The following TBC1D23 variants were observed in gnomAD, a reference collection of about 807,000 sequenced individuals.
The protein encoded by TBC1D23 is TBC1 domain family member 23.
Under a neutral mutation model 91.4 loss-of-function variants are expected in TBC1D23, and 55 were observed. The observed-to-expected ratio is 0.60, with a 90% CI of 0.48 to 0.75. The LOEUF (loss-of-function observed/expected upper bound fraction) is 0.75. TBC1D23 is among the 30% of genes least tolerant of loss of function. The probability of loss-of-function intolerance (pLI) is 0.00; values close to 1 mark genes in which losing one functional copy is unlikely to be tolerated. For missense variants in TBC1D23, 725 were observed against 836.1 expected (o/e 0.87, Z 1.64); for synonymous variants, 289 against 281.0 (o/e 1.03, Z -0.28).
intron 13 of TBC1D23, 62 bp from the exon 14 acceptor site, chr3:100,310,341 A>C: frequency 6.9e-7 from 1 of 1,444,378 alleles, no homozygotes; most frequent in East Asian, 2.3e-5. Context: ...GTAGATAACC[A>C]TTAGCAGTAG....
intron 4 of TBC1D23, among the ~76,000 whole-genome samples, chr3:100,287,017 T>C (rs1335928884): frequency 6.6e-6 from 1 of 151,950 alleles, no homozygotes; most frequent in Non-Finnish European, 1.5e-5. Flanking sequence ...GTTTTACCAT[T>C]GGCCAAACTG....
chr3:100,271,425 A>G (rs934354009), intron 1 of TBC1D23, among the ~76,000 whole-genome samples: 1 of 152,140 alleles, frequency 6.6e-6, no homozygotes, highest in Non-Finnish European at 1.5e-5. Context: ...GTAGAGAAAG[A>G]AGTGGAAAAT....
chr3:100,322,840 C>G (rs1705884890), intron 18 of TBC1D23, among the ~76,000 whole-genome samples: 1 of 151,894 alleles, frequency 6.6e-6, no homozygotes, highest in African/African-American at 2.4e-5. Context: ...GATTCTCTCT[C>G]TCCCTTTCTT....
rs1188401495 is a variant in TBC1D23, at chr3:100,295,304, A to C, written c.728A>C (p.Glu243Ala). The change falls in exon 7 of 19, where the codon GAA (glutamate) becomes GCA (alanine). Residue 243 changes from glutamate to alanine, a missense_variant and splice_region_variant. By Grantham distance (107) the Glu-to-Ala change is moderately radical. Transcript: ENST00000394144. ...ATTGATTTGATTCCCTTTTACAGAG[A>C]AGTTATTTTAACACAAGAGTCAGAC... The part of the protein sequence containing the change: ...LMLIILVNAK[E>A]VILTQESDSK... 6.2e-7 allele frequency: 1 copy of C among 1,610,462 alleles called. No homozygotes were observed. The highest frequency in any genetic ancestry group is 1.7e-5 in the Admixed American group (1 of 59,370).
intron 15 of TBC1D23, among the ~76,000 whole-genome samples, chr3:100,312,225 A>G (rs1364015454): frequency 6.6e-6 from 1 of 152,182 alleles, no homozygotes; most frequent in Non-Finnish European, 1.5e-5. Flanking sequence ...TTTGGTGCTC[A>G]TTTGCTTCTA....
chr3:100,314,654 T>C (rs1299795583), intron 15 of TBC1D23, among the ~76,000 whole-genome samples: 1 of 152,092 alleles, frequency 6.6e-6, no homozygotes. Flanking sequence ...GGTCCCACAC[T>C]GTGGTCCCAG....
rs760246559 is a variant in TBC1D23, at chr3:100,310,404, G to A, written c.1415G>A (p.Gly472Asp). The change falls in exon 14 of 19, where the codon GGT (glycine) becomes GAT (aspartate). Residue 472 changes from glycine (G) to aspartate (D), a missense_variant and splice_region_variant. Gly to Asp is a moderately conservative substitution (Grantham distance 94, BLOSUM62 -1). Coordinates refer to ENST00000394144, the MANE Select transcript of TBC1D23 (RefSeq NM_001199198.3). ...TAATCCATTATGTTCTTTTTTTAGG[G>A]TGAATCTCCTAATGGCTCAAGTGAT... ...GSRSSINSVD[G>D]ESPNGSSDRG... 37 of 1,607,068 alleles carry A rather than the reference G, an allele frequency of 2.3e-5. 2 individuals carry two copies. In the South Asian group the frequency reaches 3.3e-4, roughly 15 times the overall value.
intron 1 of TBC1D23, among the ~76,000 whole-genome samples, chr3:100,275,410 G>A (rs1244207325): frequency 2.0e-5 from 3 of 152,016 alleles, no homozygotes; most frequent in African/African-American, 7.2e-5. Context: ...GCCTCAGCCT[G>A]TTGAGTAGCT....
intron 9 of TBC1D23, among the ~76,000 whole-genome samples, chr3:100,298,740 C>T (rs1300161098): frequency 6.6e-6 from 1 of 152,128 alleles, no homozygotes; most frequent in Non-Finnish European, 1.5e-5. Flanking sequence ...CAAATGAAAA[C>T]ATGTTATCCA....
intron 18 of TBC1D23, among the ~76,000 whole-genome samples, chr3:100,322,187 AG>A (rs1406435540): frequency 1.3e-5 from 2 of 152,110 alleles, no homozygotes; most frequent in African/African-American, 4.8e-5. Flanking sequence ...TCCGCCTCCC[AG>A]GTTCACACCA....
intron 4 of TBC1D23, among the ~76,000 whole-genome samples, chr3:100,287,274 A>G (rs2148857159): frequency 6.6e-6 from 1 of 152,166 alleles, no homozygotes; most frequent in East Asian, 1.9e-4. Flanking sequence ...CACTATCACC[A>G]GGCTAATTTT....
intron 1 of TBC1D23, 109 bp downstream of exon 1, chr3:100,261,180 C>A: frequency 8.9e-7 from 1 of 1,127,504 alleles, no homozygotes; most frequent in Non-Finnish European, 1.3e-6. Flanking sequence ...AGAGGCCGGT[C>A]CTAGGCGAAG....
chr3:100,315,603 ATATTGG>A (rs1452938483), intron 15 of TBC1D23, among the ~76,000 whole-genome samples: 1 of 152,220 alleles, frequency 6.6e-6, no homozygotes, highest in Non-Finnish European at 1.5e-5. Flanking sequence ...TTAACCAATC[ATATTGG>A]AATTTGAATA....
Position 100,323,679 on chromosome 3 carries a change from A to G in TBC1D23, c.*11A>G, listed in dbSNP as rs1173037466. On this transcript the variant is annotated 3_prime_UTR_variant, in exon 19 of 19. Coordinates refer to ENST00000394144, the MANE Select transcript of TBC1D23 (RefSeq NM_001199198.3). ...GCTTTGGAAAGTTAATATAAAAGAAAATTATATAAAAAGAAATTAAGACAA... is the reference window on the plus strand; with the variant it reads ...GCTTTGGAAAGTTAATATAAAAGAAGATTATATAAAAAGAAATTAAGACAA... 1 of 1,401,554 alleles carries G rather than the reference A, an allele frequency of 7.1e-7. No individual in the cohort carries two copies. The highest frequency in any genetic ancestry group is 2.6e-5 in the East Asian group (1 of 38,188). The allele number at this position is 1,401,554 out of a possible 1,614,324, so 86.8% of individuals were successfully genotyped here. A position where few individuals can be genotyped will look rare whatever the true frequency, so the allele number is the denominator to read the frequency against.
intron 11 of TBC1D23, among the ~76,000 whole-genome samples, chr3:100,302,937 C>A (rs796464705): frequency 6.6e-6 from 1 of 152,178 alleles, no homozygotes; most frequent in African/African-American, 2.4e-5. Context: ...GTACTTTTTA[C>A]AGTAACTATA....
At chr3:100,293,326 G>T (rs931702371) in intron 5 of TBC1D23, among the ~76,000 whole-genome samples, 1 of 151,862 alleles carries the variant, frequency 6.6e-6, no homozygotes, top group Admixed American at 6.6e-5. Context: ...TTAGAGATGG[G>T]ATTTCACCAT....
At position 100,295,116 on chromosome 3, in the gene TBC1D23, C is replaced by T; in HGVS notation, c.630C>T (p.Ser210=). The T allele has an allele frequency of 6.2e-7, 1 of 1,600,954 alleles. No homozygotes were observed. The highest frequency in any genetic ancestry group is 1.1e-5 in the South Asian group (1 of 88,044). The stretch of plus-strand genomic sequence containing the variant: ...GAAGTCTTTTTGCATGTTACTGTTC[C>T]ACTGAAGTCACTCAGGCAATATGGG... ...WLGSLFACYC[S]TEVTQAIWDG... is the part of the protein sequence containing the mutation. The change falls in exon 6 of 19, where the codon TCC becomes TCT. Residue 210 remains serine (S), a synonymous_variant. Transcript: ENST00000394144.
In TBC1D23 at chr3:100,311,836, G is replaced by A. The variant is rs1705630508; in HGVS notation, c.1557G>A (p.Met519Ile). ...CCTCTGCCTTGATTTGCTATAGAATGTCTTTCAATCTTCCTTGGCCAGACA... is the reference window on the plus strand; with the variant it reads ...CCTCTGCCTTGATTTGCTATAGAATATCTTTCAATCTTCCTTGGCCAGACA... ...IENTSTPVDR[M>I]SFNLPWPDRS... is the part of the protein sequence containing the mutation. The change falls in exon 15 of 19, where the codon ATG (methionine) becomes ATA (isoleucine). Residue 519 changes from methionine (M) to isoleucine (I), a missense_variant. Physicochemically the swap from Met to Ile is conservative, Grantham distance 10 (BLOSUM62 1). Coordinates refer to ENST00000394144, the MANE Select transcript of TBC1D23 (RefSeq NM_001199198.3). 3 of 1,534,194 alleles carry A rather than the reference G, an allele frequency of 2.0e-6. No homozygotes were observed. Among genetic ancestry groups the A allele is most frequent in the Non-Finnish European group, 2.6e-6 (3 of 1,144,936 alleles).
intron 11 of TBC1D23, 100 bp from the exon 12 acceptor site, chr3:100,304,746 A>T: frequency 1.5e-6 from 1 of 676,014 alleles, no homozygotes; most frequent in South Asian, 1.7e-5. Context: ...CGGTAATTTA[A>T]TGTATCACTT....
Sources: gnomAD v4.1 joint callset for allele counts (sites outside exome capture counted in the v4.1 genomes callset) on GRCh38, gnomAD v4.1.1 for gene constraint, MANE v1.5 for transcripts, NCBI Gene and HGNC (gene_info 2026-07-23, HGNC 2026-07-21) for gene names.